PKD2: variants seen among roughly 807,000 people sequenced by gnomAD.
The protein encoded by PKD2 is polycystin 2, transient receptor potential cation channel.
Under a neutral mutation model 105.9 loss-of-function variants are expected in PKD2, and 48 were observed. The observed-to-expected ratio is 0.45, with a 90% CI of 0.36 to 0.58. The LOEUF is 0.58. Among genes scored for constraint, PKD2 ranks in the 20% least tolerant of loss-of-function variants. PKD2 has a pLI of 0.00. For synonymous variants in PKD2, 464 were observed against 481.1 expected (o/e 0.96, Z 0.46); for missense variants, 1,078 against 1,255.3 (o/e 0.86, Z 2.13).
At chr4:88,050,769 T>G (rs1720057319) in intron 6 of PKD2, among the ~76,000 whole-genome samples, 2 of 151,978 alleles carry the variant, frequency 1.3e-5, no homozygotes, top group Non-Finnish European at 2.9e-5. Flanking sequence ...GTGTTCATCA[T>G]TCCCACCACC....
chr4:88,056,770 A>G (rs560406752), intron 8 of PKD2, among the ~76,000 whole-genome samples: 1 of 152,332 alleles, frequency 6.6e-6, no homozygotes, highest in African/African-American at 2.4e-5. Context: ...TCAGATTTCT[A>G]TGCCATTTAG....
intron 6 of PKD2, among the ~76,000 whole-genome samples, chr4:88,049,016 G>A (rs558335407): frequency 6.6e-4 from 100 of 152,162 alleles, no homozygotes; most frequent in Non-Finnish European, 1.2e-3. Flanking sequence ...TGAAATAATG[G>A]TAGAAAGGTA....
Position 88,075,817 on chromosome 4 carries a change from T to C in PKD2, c.*123T>C. ...GATGCTAGTCTTTGTGACCGATTGC[T>C]AATCTTCTGCACTTTAATTTATTTT... On this transcript the variant is annotated 3_prime_UTR_variant, in exon 15 of 15. Coordinates refer to ENST00000237596, the MANE Select transcript of PKD2 (RefSeq NM_000297.4). The C allele has an allele frequency of 2.6e-6, 2 of 776,270 alleles. No individual in the cohort carries two copies. Among genetic ancestry groups the C allele is most frequent in the South Asian group, 2.8e-5 (2 of 72,600 alleles). The allele number at this position is 776,270 out of a possible 1,614,324, so 48.1% of individuals were successfully genotyped here.
At chr4:88,022,794 G>C (rs1441464179) in intron 2 of PKD2, among the ~76,000 whole-genome samples, 1 of 152,184 alleles carries the variant, frequency 6.6e-6, no homozygotes, top group Non-Finnish European at 1.5e-5. Flanking sequence ...TATAAAAAAA[G>C]AGGTTTGGCC....
chr4:88,049,969 A>ATTT (rs397881137), intron 6 of PKD2, among the ~76,000 whole-genome samples: 58 of 118,504 alleles, frequency 4.9e-4, no homozygotes, highest in African/African-American at 1.2e-3. Flanking sequence ...TACAGGGTAA[A>ATTT]TTTTTTTTTT....
At chr4:88,022,818 C>G (rs981176954) in intron 2 of PKD2, among the ~76,000 whole-genome samples, 5 of 152,184 alleles carry the variant, frequency 3.3e-5, no homozygotes, top group African/African-American at 1.2e-4. Flanking sequence ...CACTGTGGAT[C>G]AGGCCTGTAA....
At chr4:88,068,157 T>C in intron 13 of PKD2, 96 bp downstream of exon 13, 2 of 1,006,842 alleles carry the variant, frequency 2.0e-6, no homozygotes, top group South Asian at 1.3e-5. Context: ...TTTCCATTAC[T>C]AATCATCCAG....
Position 88,061,931 on chromosome 4 carries a change from ATACT to A in PKD2, c.2050_2053del (p.Tyr684LeufsTer3). On this transcript the variant is annotated frameshift_variant, in exon 10 of 15. Coordinates refer to ENST00000237596, the MANE Select transcript of PKD2 (RefSeq NM_000297.4). LOFTEE classifies it high-confidence loss of function. ...AATATGTTTTTGGCTATCATCAATG[ATACT>A]TACTCTGAAGTGAAATCTGACTTGG... 6.4e-7 allele frequency: 1 copy of A among 1,564,896 alleles called. No individual in the cohort carries two copies. The highest frequency in any genetic ancestry group is 8.8e-7 in the Non-Finnish European group (1 of 1,135,448).
chr4:88,015,306 A>G (rs1246773105), intron 1 of PKD2, among the ~76,000 whole-genome samples: 1 of 152,220 alleles, frequency 6.6e-6, no homozygotes, highest in East Asian at 1.9e-4. Context: ...GAGGATGTAA[A>G]TGAACTAGGA....
Position 88,050,279 on chromosome 4 carries a change from A to T in PKD2, c.1549-1712A>T, listed in dbSNP as rs189342164. Among the ~76,000 whole-genome samples, 624 of 152,172 alleles carry T rather than the reference A, an allele frequency of 4.1e-3. 3 individuals carry two copies. Among genetic ancestry groups the T allele is most frequent in the Non-Finnish European group, 7.0e-3 (476 of 67,996 alleles). ...GTGAACCACCGCGCCTGGCCCGACT[A>T]ATTCATTTATTCAGCGAGTGTTTTC... On this transcript the variant is annotated intron_variant, in intron 6 of 14. Coordinates refer to ENST00000237596, the MANE Select transcript of PKD2 (RefSeq NM_000297.4).
intron 2 of PKD2, among the ~76,000 whole-genome samples, chr4:88,023,210 T>C (rs991101751): frequency 6.6e-6 from 1 of 152,192 alleles, no homozygotes; most frequent in Admixed American, 6.5e-5. Flanking sequence ...AGCATCTGCT[T>C]CTGGGGAGGC....
chr4:88,066,356 T>C (rs941359974), intron 12 of PKD2, among the ~76,000 whole-genome samples: 4 of 148,374 alleles, frequency 2.7e-5, no homozygotes, highest in African/African-American at 4.9e-5. Context: ...ATTGTTAACT[T>C]TTTTTTCTTT....
At position 88,061,138 on chromosome 4, in the gene PKD2, G is replaced by C. The variant is rs1243111867; in HGVS notation, c.2020-768G>C. 2.0e-5 allele frequency among the ~76,000 whole-genome samples: 3 copies of C among 152,056 alleles called. No homozygotes were observed. In the East Asian group the frequency reaches 5.8e-4, roughly 29 times the overall value. ...AATGTGTCCTGTAAATTTCATATAT[G>C]ATTATACAAAAAAACTTGGAATAAG... On this transcript the variant is annotated intron_variant, in intron 9 of 14. Coordinates refer to ENST00000237596, the MANE Select transcript of PKD2 (RefSeq NM_000297.4).
rs938764650 is a variant in PKD2 at position 88,007,783 on chromosome 4, G to A, written c.50G>A (p.Arg17Gln). The part of the protein sequence containing the change: ...VQPQQPGDAK[R>Q]PPAPRAPDPG... Reference sequence around the variant, plus strand: ...CCTCAGCAGCCCGGGGACGCCAAGCGGCCGCCCGCGCCCCGCGCGCCGGAC... The same window carrying A: ...CCTCAGCAGCCCGGGGACGCCAAGCAGCCGCCCGCGCCCCGCGCGCCGGAC... Residue 17 changes from arginine (R) to glutamine (Q), a missense_variant, in exon 1 of 15, where the codon CGG becomes CAG. Arg to Gln is a conservative substitution (Grantham distance 43, BLOSUM62 1). Coordinates refer to ENST00000237596, the MANE Select transcript of PKD2 (RefSeq NM_000297.4). 1.7e-6 allele frequency: 2 copies of A among 1,166,128 alleles called. No homozygotes were observed. Among genetic ancestry groups the A allele is most frequent in the African/African-American group, 3.3e-5 (2 of 60,856 alleles). 72.2% of individuals were successfully genotyped at this position (1,166,128 alleles called of 1,614,324 possible).
intron 10 of PKD2, among the ~76,000 whole-genome samples, chr4:88,065,048 G>T (rs1720737499): frequency 6.6e-6 from 1 of 152,142 alleles, no homozygotes; most frequent in South Asian, 2.1e-4. Context: ...CCTAAGAACT[G>T]TTGCACAGTA....
At chr4:88,055,315 TG>T (rs35024429) in intron 7 of PKD2, among the ~76,000 whole-genome samples, 2 of 152,282 alleles carry the variant, frequency 1.3e-5, no homozygotes, top group South Asian at 4.2e-4. Context: ...AAGAATTTCC[TG>T]GGGGGTTTTA....
At chr4:88,024,551 T>A in intron 2 of PKD2, among the ~76,000 whole-genome samples, 1 of 148,258 alleles carries the variant, frequency 6.7e-6, no homozygotes, top group East Asian at 2.0e-4. Context: ...GGTGAATCTA[T>A]AATAATAAAA....
intron 13 of PKD2, among the ~76,000 whole-genome samples, chr4:88,074,217 C>T (rs750595218): frequency 3.3e-5 from 5 of 152,074 alleles, no homozygotes; most frequent in African/African-American, 1.2e-4. Context: ...GGAATGATCA[C>T]GGCTCACTGC....
At chr4:88,027,479 C>T (rs995448898) in intron 2 of PKD2, among the ~76,000 whole-genome samples, 1 of 152,196 alleles carries the variant, frequency 6.6e-6, no homozygotes, top group African/African-American at 2.4e-5. Flanking sequence ...AAGTAACTAA[C>T]TTGCTTTTGA....
Sources: allele counts gnomAD v4.1 joint callset (sites outside exome capture counted in the v4.1 genomes callset), GRCh38; gene constraint gnomAD v4.1.1; transcripts MANE v1.5; gene names NCBI Gene and HGNC (gene_info 2026-07-23, HGNC 2026-07-21).